The following ZFPM2 variants were observed in gnomAD, a reference collection of about 807,000 sequenced individuals.
ZFPM2 encodes the protein zinc finger protein, FOG family member 2, also known as zinc finger protein ZFPM2.
Under a neutral mutation model 98.6 loss-of-function variants are expected in ZFPM2, and 20 were observed. The observed-to-expected ratio is 0.20, with a 90% CI of 0.14 to 0.29. The LOEUF (loss-of-function observed/expected upper bound fraction) is 0.29. ZFPM2 is among the 10% of genes least tolerant of loss of function. The probability of loss-of-function intolerance (pLI) is 1.00; values close to 1 mark genes in which losing one functional copy is unlikely to be tolerated. For missense variants in ZFPM2, 1,310 were observed against 1,388.6 expected (o/e 0.94, Z 0.90); for synonymous variants, 518 against 502.7 (o/e 1.03, Z -0.41).
intron 2 of ZFPM2, among the ~76,000 whole-genome samples, chr8:105,440,762 A>G (rs996049050): frequency 1.3e-5 from 2 of 152,148 alleles, no homozygotes; most frequent in Non-Finnish European, 1.5e-5. Flanking sequence ...AAGACCATCA[A>G]GAAGGAAGGG....
intron 5 of ZFPM2, among the ~76,000 whole-genome samples, chr8:105,711,064 A>G (rs1458035689): frequency 1.3e-5 from 2 of 151,794 alleles, no homozygotes; most frequent in Non-Finnish European, 2.9e-5. Flanking sequence ...GGTTTTTTAA[A>G]AGTATTCCTT....
chr8:105,750,181 G>A (rs1812443912), intron 5 of ZFPM2, among the ~76,000 whole-genome samples: 1 of 152,030 alleles, frequency 6.6e-6, no homozygotes, highest in South Asian at 2.1e-4. Flanking sequence ...TACAGATTCA[G>A]AAACCAAATC....
intron 2 of ZFPM2, among the ~76,000 whole-genome samples, chr8:105,440,267 T>C (rs1188176023): frequency 1.3e-5 from 2 of 152,226 alleles, no homozygotes; most frequent in Non-Finnish European, 1.5e-5. Flanking sequence ...TTGTGATTAC[T>C]TTCTATTTTT....
chr8:105,545,035 G>T (rs1285037175), intron 3 of ZFPM2, among the ~76,000 whole-genome samples: 3 of 152,014 alleles, frequency 2.0e-5, no homozygotes, highest in Non-Finnish European at 4.4e-5. Flanking sequence ...CTTTATTTAG[G>T]TTTAACATCC....
Position 105,798,667 on chromosome 8 carries a change from C to T in ZFPM2, c.740-57C>T, listed in dbSNP as rs1014848580. 6.1e-6 allele frequency: 9 copies of T among 1,482,112 alleles called. No individual in the cohort carries two copies. In the African/African-American group the frequency reaches 1.1e-4, roughly 18 times the overall value. The allele number at this position is 1,482,112 out of a possible 1,614,324, so 91.8% of individuals were successfully genotyped here. A position where few individuals can be genotyped will look rare whatever the true frequency, so the allele number is the denominator to read the frequency against. On this transcript the variant is annotated intron_variant, in intron 6 of 7. Transcript: ENST00000407775. ...AAAATTGAACTAAATGCTGCTTTACCCACAGTTGGTTTCAAATGGACAGCA... is the reference window on the plus strand; with the variant it reads ...AAAATTGAACTAAATGCTGCTTTACTCACAGTTGGTTTCAAATGGACAGCA...
At chr8:105,640,455 A>G (rs1446195694) in intron 5 of ZFPM2, among the ~76,000 whole-genome samples, 1 of 152,054 alleles carries the variant, frequency 6.6e-6, no homozygotes, top group Non-Finnish European at 1.5e-5. Flanking sequence ...TCAAAATCAT[A>G]CTATGACAGC....
intron 2 of ZFPM2, among the ~76,000 whole-genome samples, chr8:105,437,588 A>T (rs1408664526): frequency 6.6e-6 from 1 of 152,170 alleles, no homozygotes; most frequent in African/African-American, 2.4e-5. Context: ...TACTTTTCAA[A>T]CTCTTTAGCA....
At chr8:105,776,268 C>G (rs1160925426) in intron 5 of ZFPM2, among the ~76,000 whole-genome samples, 8 of 152,090 alleles carry the variant, frequency 5.3e-5, no homozygotes, top group Non-Finnish European at 1.2e-4. Flanking sequence ...ATAGTACTTC[C>G]TGTTTGCCAC....
intron 3 of ZFPM2, among the ~76,000 whole-genome samples, chr8:105,461,532 G>A (rs1336384009): frequency 6.6e-6 from 1 of 152,112 alleles, no homozygotes; most frequent in East Asian, 1.9e-4. Flanking sequence ...TAATAAATCA[G>A]TGGTCCTAAA....
At chr8:105,351,951 C>T (rs1210550238) in intron 1 of ZFPM2, among the ~76,000 whole-genome samples, 3 of 152,084 alleles carry the variant, frequency 2.0e-5, no homozygotes, top group Admixed American at 6.5e-5. Flanking sequence ...CCTCAGAGCT[C>T]GTTAGAAATG....
intron 5 of ZFPM2, among the ~76,000 whole-genome samples, chr8:105,735,621 C>T (rs968920359): frequency 7.7e-6 from 1 of 129,256 alleles, no homozygotes; most frequent in African/African-American, 3.2e-5. Flanking sequence ...TTTGAACAGA[C>T]ACAGTCAAGG....
At chr8:105,462,867 G>A (rs74399364) in intron 3 of ZFPM2, among the ~76,000 whole-genome samples, 3,123 of 152,068 alleles carry the variant, frequency 0.021, 105 homozygotes, top group African/African-American at 0.071. Context: ...AATAAAAGTC[G>A]TTTATTCGAT....
intron 3 of ZFPM2, among the ~76,000 whole-genome samples, chr8:105,450,706 A>ATG (rs1230793186): frequency 6.6e-6 from 1 of 151,702 alleles, no homozygotes; most frequent in Non-Finnish European, 1.5e-5. Context: ...ATGTGTGTGT[A>ATG]TGTGTGTGTG....
chr8:105,427,577 C>T (rs1156395404), intron 2 of ZFPM2, among the ~76,000 whole-genome samples: 1 of 152,080 alleles, frequency 6.6e-6, no homozygotes. Context: ...ATTTGAGAAG[C>T]AACAGGCAAT....
At chr8:105,330,581 C>CATAT (rs55876331) in intron 1 of ZFPM2, among the ~76,000 whole-genome samples, 201 of 86,318 alleles carry the variant, frequency 2.3e-3, no homozygotes, top group African/African-American at 4.5e-3. Flanking sequence ...TATATATATA[C>CATAT]ATATATATAT....
chr8:105,669,663 G>A lies in ZFPM2; in HGVS notation c.532+35306G>A, dbSNP rs140703532. 7.5e-4 allele frequency among the ~76,000 whole-genome samples: 113 copies of A among 151,502 alleles called. 1 individual carries two copies. Among genetic ancestry groups the A allele is most frequent in the Admixed American group, 5.9e-3 (89 of 15,202 alleles). ...TAGACTTTTTTGATAAATGTGACAGGGTCAGTAACGATAATCCTCTTATGA... is the reference window on the plus strand; with the variant it reads ...TAGACTTTTTTGATAAATGTGACAGAGTCAGTAACGATAATCCTCTTATGA... On this transcript the variant is annotated intron_variant, in intron 5 of 7. Transcript: ENST00000407775.
chr8:105,768,533 A>G (rs1461890510), intron 5 of ZFPM2, among the ~76,000 whole-genome samples: 2 of 151,936 alleles, frequency 1.3e-5, no homozygotes, highest in African/African-American at 4.8e-5. Context: ...CTTGAAGTTT[A>G]CAGTTATGAG....
chr8:105,492,449 A>G (rs1304226305), intron 3 of ZFPM2, among the ~76,000 whole-genome samples: 2 of 152,296 alleles, frequency 1.3e-5, no homozygotes, highest in South Asian at 2.1e-4. Flanking sequence ...ACTATTTTGT[A>G]CAAAATGCTT....
intron 5 of ZFPM2, among the ~76,000 whole-genome samples, chr8:105,774,991 G>A (rs1265089843): frequency 6.7e-6 from 1 of 150,294 alleles, no homozygotes; most frequent in Non-Finnish European, 1.5e-5. Context: ...CCATCCCTTG[G>A]ATCCACCCAG....
Sources: allele counts gnomAD v4.1 joint callset (sites outside exome capture counted in the v4.1 genomes callset), GRCh38; gene constraint gnomAD v4.1.1; transcripts MANE v1.5; gene names NCBI Gene and HGNC (gene_info 2026-07-23, HGNC 2026-07-21).